CENPQ: variants seen among roughly 807,000 people sequenced by gnomAD.
CENPQ encodes the protein chromosome 6 open reading frame 139.
A neutral mutation model predicts 36.6 loss-of-function variants in CENPQ; 27 were observed. That is an observed-to-expected ratio of 0.74 (90% CI 0.54 to 1.02). CENPQ has a LOEUF of 1.02. Among genes scored for constraint, CENPQ ranks in the 50% least tolerant of loss-of-function variants. The probability of loss-of-function intolerance (pLI) is 0.00; values close to 1 mark genes in which losing one functional copy is unlikely to be tolerated. For missense variants in CENPQ, 306 were observed against 301.8 expected, an observed-to-expected ratio of 1.01 and a Z score of -0.10; for synonymous variants, 101 against 101.7, an observed-to-expected ratio of 0.99 and a Z score of 0.04.
chr6:49,481,323 G>A (rs1456830820), intron 6 of CENPQ, among the ~76,000 whole-genome samples: 1 of 152,090 alleles, frequency 6.6e-6, no homozygotes, highest in Non-Finnish European at 1.5e-5. Context: ...GAATTGGTGG[G>A]TTCTTGGTCT....
Position 49,472,146 on chromosome 6 carries a change from A to G in CENPQ, c.241A>G (p.Arg81Gly). The change falls in exon 4 of 9, where the codon AGA (arginine) becomes GGA (glycine). Residue 81 changes from arginine (R) to glycine (G), a missense_variant. Coordinates refer to ENST00000335783, the MANE Select transcript of CENPQ (RefSeq NM_018132.4). ...KTWQPLSKST[R>G]DHLQTMMESV... ...CTGGCAACCTCTGTCAAAGAGTACC[A>G]GAGACCATTTGCAAACTATGATGGA... The G allele has an allele frequency of 1.9e-6, 3 of 1,612,630 alleles. No homozygotes were observed. Among genetic ancestry groups the G allele is most frequent in the Non-Finnish European group, 2.5e-6 (3 of 1,179,318 alleles).
chr6:49,474,490 C>T (rs1768224955), intron 5 of CENPQ, among the ~76,000 whole-genome samples: 1 of 152,026 alleles, frequency 6.6e-6, no homozygotes, highest in Non-Finnish European at 1.5e-5. Context: ...ACACAACATA[C>T]CAGAATCTCT....
intron 6 of CENPQ, among the ~76,000 whole-genome samples, chr6:49,484,373 C>T (rs917430487): frequency 6.6e-6 from 1 of 152,238 alleles, no homozygotes; most frequent in African/African-American, 2.4e-5. Flanking sequence ...GTATGGCATC[C>T]TGTGGAAGAT....
At chr6:49,471,577 C>T (rs958802581) in intron 3 of CENPQ, among the ~76,000 whole-genome samples, 1 of 152,024 alleles carries the variant, frequency 6.6e-6, no homozygotes, top group Non-Finnish European at 1.5e-5. Context: ...TTCAATATCC[C>T]TTCTCTCCAA....
At chr6:49,480,697 G>A (rs1768405692) in intron 5 of CENPQ, among the ~76,000 whole-genome samples, 1 of 152,056 alleles carries the variant, frequency 6.6e-6, no homozygotes, top group South Asian at 2.1e-4. Context: ...TGTCAAATGT[G>A]TAAGATAGAA....
chr6:49,472,922 G>A, intron 5 of CENPQ, 64 bp downstream of exon 5: 1 of 1,126,272 alleles, frequency 8.9e-7, no homozygotes, highest in Non-Finnish European at 1.2e-6. Context: ...TTCTTTCTAT[G>A]TTGCCAAATA....
chr6:49,478,429 CA>C (rs1768353707), intron 5 of CENPQ, among the ~76,000 whole-genome samples: 1 of 152,104 alleles, frequency 6.6e-6, no homozygotes, highest in Non-Finnish European at 1.5e-5. Flanking sequence ...TAGCATCTCC[CA>C]AATTGATATT....
chr6:49,476,435 A>G (rs1768294019), intron 5 of CENPQ, among the ~76,000 whole-genome samples: 1 of 152,228 alleles, frequency 6.6e-6, no homozygotes, highest in Non-Finnish European at 1.5e-5. Flanking sequence ...AGGTGGATTA[A>G]AGACTTAAAT....
rs915127676 is a variant in CENPQ, at chr6:49,492,966, C to A, written c.*691C>A. The A allele has an allele frequency of 1.3e-5, 2 of 151,830 alleles. No individual in the cohort carries two copies. The highest frequency in any genetic ancestry group is 2.9e-5 in the Non-Finnish European group (2 of 67,944). 9.4% of individuals were successfully genotyped at this position (151,830 alleles called of 1,614,324 possible). A position where few individuals can be genotyped will look rare whatever the true frequency, so the allele number is the denominator to read the frequency against. On this transcript the variant is annotated 3_prime_UTR_variant, in exon 9 of 9. Transcript: ENST00000335783. ...AAAACCCAAAATATATAAACCTTTTCTTATTATGATAATAAGCTTATATAT... is the reference window on the plus strand; with the variant it reads ...AAAACCCAAAATATATAAACCTTTTATTATTATGATAATAAGCTTATATAT...
chr6:49,481,155 C>A, intron 6 of CENPQ, 75 bp downstream of exon 6: 1 of 1,227,500 alleles, frequency 8.1e-7, no homozygotes. Flanking sequence ...TTAAAATTAT[C>A]ATGATGTTCT....
intron 8 of CENPQ, among the ~76,000 whole-genome samples, chr6:49,490,660 C>G (rs964759897): frequency 1.3e-5 from 2 of 152,192 alleles, no homozygotes; most frequent in Admixed American, 1.3e-4. Context: ...TTAGTAATCT[C>G]TAGTTTTTGA....
At chr6:49,470,037 T>TA (rs368380826) in intron 1 of CENPQ, 122 bp from the exon 2 acceptor site, 33,706 of 398,172 alleles carry the variant, frequency 0.085, 34 homozygotes, top group Middle Eastern at 0.12. Flanking sequence ...GATTTTTCTT[T>TA]AAAAAAAAAA....
chr6:49,477,467 C>T (rs1233862316), intron 5 of CENPQ, among the ~76,000 whole-genome samples: 2 of 150,602 alleles, frequency 1.3e-5, no homozygotes, highest in Non-Finnish European at 2.9e-5. Context: ...ATACCTAATG[C>T]TAAATGAGTT....
chr6:49,474,411 A>G (rs1768223063), intron 5 of CENPQ, among the ~76,000 whole-genome samples: 1 of 152,192 alleles, frequency 6.6e-6, no homozygotes, highest in Admixed American at 6.5e-5. Context: ...CTGCTCCTGA[A>G]TGACTACTGG....
At chr6:49,485,228 G>A (rs1768546861) in intron 6 of CENPQ, among the ~76,000 whole-genome samples, 1 of 152,104 alleles carries the variant, frequency 6.6e-6, no homozygotes, top group Admixed American at 6.5e-5. Context: ...AGTCATTGCT[G>A]GTGATGATCT....
intron 6 of CENPQ, among the ~76,000 whole-genome samples, chr6:49,486,931 G>A (rs1768596726): frequency 3.3e-5 from 5 of 151,716 alleles, no homozygotes; most frequent in Admixed American, 3.3e-4. Context: ...TGGATAACCA[G>A]AGGTCAGGAG....
chr6:49,487,161 A>C, intron 6 of CENPQ, among the ~76,000 whole-genome samples: 1 of 147,488 alleles, frequency 6.8e-6, no homozygotes, highest in Non-Finnish European at 1.5e-5. Flanking sequence ...CTCAAAAAAA[A>C]AAAAAAAATA....
intron 6 of CENPQ, 76 bp from the exon 7 acceptor site, chr6:49,488,276 T>G (rs143879042): frequency 2.7e-6 from 3 of 1,114,330 alleles, no homozygotes; most frequent in Non-Finnish European, 3.8e-6. Context: ...AAAATGTGTA[T>G]GTATAACAAT....
chr6:49,470,152 TTC>T lies in CENPQ; in HGVS notation c.-18-6_-18-5del. On this transcript the variant is annotated splice_polypyrimidine_tract_variant and splice_region_variant and intron_variant, in intron 1 of 8. Coordinates refer to ENST00000335783, the MANE Select transcript of CENPQ (RefSeq NM_018132.4). The stretch of plus-strand genomic sequence containing the variant: ...TTCATCTTTACAGATTTTTTTTTTT[TTC>T]GAAGCACTGTGTTTAGATCAAGATG... 1.5e-6 allele frequency: 2 copies of T among 1,325,518 alleles called. No homozygotes were observed. Among genetic ancestry groups the T allele is most frequent in the Non-Finnish European group, 2.1e-6 (2 of 949,104 alleles). The allele number at this position is 1,325,518 out of a possible 1,614,324, so 82.1% of individuals were successfully genotyped here.
Sources: gnomAD v4.1 joint callset for allele counts (sites outside exome capture counted in the v4.1 genomes callset) on GRCh38, gnomAD v4.1.1 for gene constraint, MANE v1.5 for transcripts, NCBI Gene and HGNC (gene_info 2026-07-23, HGNC 2026-07-21) for gene names.